The following HUNK variants were observed in gnomAD, a reference collection of about 807,000 sequenced individuals.
The protein encoded by HUNK is hormonally up-regulated neu tumor-associated kinase.
A neutral mutation model predicts 61.0 loss-of-function variants in HUNK; 21 were observed. That is an observed-to-expected ratio of 0.34 (90% CI 0.24 to 0.50). The LOEUF is 0.50. Among genes scored for constraint, HUNK ranks in the 20% least tolerant of loss-of-function variants. HUNK has a pLI of 0.98. For missense variants in HUNK, 772 were observed against 945.7 expected, an observed-to-expected ratio of 0.82 and a Z score of 2.41; for synonymous variants, 371 against 386.1, an observed-to-expected ratio of 0.96 and a Z score of 0.46.
intron 1 of HUNK, among the ~76,000 whole-genome samples, chr21:31,901,447 G>A (rs577283748): frequency 6.6e-6 from 1 of 152,286 alleles, no homozygotes; most frequent in East Asian, 1.9e-4. Flanking sequence ...GTTCTCTGAT[G>A]TGGAGGCCTT....
At chr21:31,937,682 G>T (rs1240516063) in intron 2 of HUNK, among the ~76,000 whole-genome samples, 1 of 152,194 alleles carries the variant, frequency 6.6e-6, no homozygotes, top group Non-Finnish European at 1.5e-5. Context: ...AATTAACTAT[G>T]TTAACCTTTT....
chr21:31,997,138 G>T (rs906820556), intron 10 of HUNK, among the ~76,000 whole-genome samples: 2 of 152,234 alleles, frequency 1.3e-5, no homozygotes, highest in African/African-American at 4.8e-5. Context: ...CCTCCACAGA[G>T]CCTATAAAAC....
chr21:31,989,668 C>T (rs1016711320), intron 8 of HUNK, among the ~76,000 whole-genome samples: 5 of 138,580 alleles, frequency 3.6e-5, no homozygotes, highest in African/African-American at 1.1e-4. Flanking sequence ...GAGCCAAGGT[C>T]GTGCTACTGC....
At chr21:31,919,386 ATT>A (rs2052608212) in intron 1 of HUNK, among the ~76,000 whole-genome samples, 1 of 152,318 alleles carries the variant, frequency 6.6e-6, no homozygotes, top group Admixed American at 6.5e-5. Context: ...GAAATACTGC[ATT>A]TGCACAGAAG....
intron 4 of HUNK, among the ~76,000 whole-genome samples, chr21:31,949,077 AGT>A (rs1453649864): frequency 6.6e-6 from 1 of 152,102 alleles, no homozygotes; most frequent in African/African-American, 2.4e-5. Flanking sequence ...GATAGAAGAG[AGT>A]GGTGAGCACT....
intron 8 of HUNK, 82 bp from the exon 9 acceptor site, chr21:31,990,047 C>A: frequency 1.6e-6 from 2 of 1,233,422 alleles, no homozygotes; most frequent in Non-Finnish European, 2.4e-6. Context: ...TCAACCAGAG[C>A]TGCAGGGCCG....
chr21:31,884,682 G>A (rs181601401), intron 1 of HUNK, among the ~76,000 whole-genome samples: 3 of 152,284 alleles, frequency 2.0e-5, no homozygotes, highest in Admixed American at 1.3e-4. Flanking sequence ...CCATTTCTAT[G>A]AGCCAGAAAA....
Position 31,995,812 on chromosome 21 carries a change from T to C in HUNK, c.1350T>C (p.His450=). 6.2e-7 allele frequency: 1 copy of C among 1,614,208 alleles called. No homozygotes were observed. The highest frequency in any genetic ancestry group is 1.1e-5 in the South Asian group (1 of 91,084). The change falls in exon 10 of 11, where the codon CAT becomes CAC. Residue 450 remains histidine (H), a synonymous_variant. Transcript: ENST00000270112. ...KEQEKRGDFL[H]RPFSKKLDKN... is the part of the protein sequence containing the mutation. ...AAGAAAAAAGAGGGGATTTTCTTCA[T>C]CGACCATTCTCCAAGAAGTTGGACA...
intron 2 of HUNK, among the ~76,000 whole-genome samples, chr21:31,934,533 G>T (rs541773564): frequency 6.6e-6 from 1 of 151,896 alleles, no homozygotes; most frequent in African/African-American, 2.4e-5. Flanking sequence ...TTTTGCTTCA[G>T]GGTGTACCTG....
chr21:31,983,755 G>T, intron 8 of HUNK, 146 bp downstream of exon 8: 1 of 618,432 alleles, frequency 1.6e-6, no homozygotes. Flanking sequence ...TTGAGAAATG[G>T]TTTACAGCGG....
At chr21:31,998,058 C>G (rs1282380933) in intron 10 of HUNK, among the ~76,000 whole-genome samples, 1 of 152,178 alleles carries the variant, frequency 6.6e-6, no homozygotes, top group East Asian at 1.9e-4. Context: ...GTTAGGACCA[C>G]AGGTGCATGC....
chr21:31,957,934 A>AG (rs1392295230), intron 4 of HUNK, among the ~76,000 whole-genome samples: 3 of 152,142 alleles, frequency 2.0e-5, no homozygotes, highest in Admixed American at 6.5e-5. Flanking sequence ...TTCGTTTCTG[A>AG]GGGCTGAGTG....
At chr21:31,966,912 T>C (rs1022121974) in intron 5 of HUNK, among the ~76,000 whole-genome samples, 11 of 152,106 alleles carry the variant, frequency 7.2e-5, no homozygotes, top group African/African-American at 2.7e-4. Context: ...CTTTGTAAAA[T>C]AAGGGCTATA....
intron 1 of HUNK, among the ~76,000 whole-genome samples, chr21:31,900,937 C>T (rs1032039840): frequency 1.3e-5 from 2 of 152,240 alleles, no homozygotes; most frequent in South Asian, 4.1e-4. Context: ...TCAAGTTGCA[C>T]CCTCTGAGGG....
In HUNK at chr21:31,998,587, T is replaced by C. The variant is rs9305483; in HGVS notation, c.1548T>C (p.Ser516=). ...KTSDSNCVAS[S]SMEFIPVPPP... ...CAGATTCCAATTGTGTGGCTTCTTCTTCCATGGAGTTCATCCCCGTGCCAC... is the reference window on the plus strand; with the variant it reads ...CAGATTCCAATTGTGTGGCTTCTTCCTCCATGGAGTTCATCCCCGTGCCAC... Residue 516 remains serine, a synonymous_variant, in exon 11 of 11, where the codon TCT becomes TCC. Transcript: ENST00000270112. The C allele has an allele frequency of 0.64, 1,023,065 of 1,610,730 alleles. 326,140 individuals are homozygous for C. Among genetic ancestry groups the C allele is most frequent in the South Asian group, 0.72 (65,755 of 90,770 alleles).
intron 6 of HUNK, among the ~76,000 whole-genome samples, chr21:31,970,700 TAGAC>T (rs1480326613): frequency 6.6e-6 from 1 of 152,184 alleles, no homozygotes; most frequent in Non-Finnish European, 1.5e-5. Context: ...GAGTTGGTGT[TAGAC>T]AGTATTTCCC....
chr21:31,976,459 CTT>C (rs34950116), intron 7 of HUNK, among the ~76,000 whole-genome samples: 924 of 63,566 alleles, frequency 0.015, 7 homozygotes, highest in African/African-American at 0.055. Flanking sequence ...TTTTTTGAGA[CTT>C]TTTTTTTTTT....
At chr21:31,993,204 T>C (rs894223873) in intron 9 of HUNK, among the ~76,000 whole-genome samples, 1 of 152,118 alleles carries the variant, frequency 6.6e-6, no homozygotes, top group African/African-American at 2.4e-5. Flanking sequence ...CCAACCTTGG[T>C]CTCTTTGCAC....
intron 1 of HUNK, among the ~76,000 whole-genome samples, chr21:31,888,662 C>G (rs2052365489): frequency 6.6e-6 from 1 of 152,070 alleles, no homozygotes; most frequent in Non-Finnish European, 1.5e-5. Flanking sequence ...ATCGCTTGAA[C>G]CCAGGAGGCG....
Sources: allele counts gnomAD v4.1 joint callset (sites outside exome capture counted in the v4.1 genomes callset), GRCh38; gene constraint gnomAD v4.1.1; transcripts MANE v1.5; gene names NCBI Gene and HGNC (gene_info 2026-07-23, HGNC 2026-07-21).